The following CECR2 variants were observed in gnomAD, a reference collection of about 807,000 sequenced individuals.
CECR2 encodes chromatin remodeling regulator CECR2.
A neutral mutation model predicts 154.5 loss-of-function variants in CECR2; 30 were observed. That is an observed-to-expected ratio of 0.19 (90% CI 0.15 to 0.26). The LOEUF (loss-of-function observed/expected upper bound fraction) is 0.26, where lower values mean the gene tolerates loss of function less well. CECR2 is among the 10% of genes least tolerant of loss of function. The pLI, the probability that CECR2 is intolerant of heterozygous loss-of-function variation, is 1.00. For synonymous variants in CECR2, 725 were observed against 683.7 expected, an observed-to-expected ratio of 1.06 and a Z score of -0.94; for missense variants, 1,743 against 1,829.3, an observed-to-expected ratio of 0.95 and a Z score of 0.86.
Position 17,369,579 on chromosome 22 carries a change from G to A in CECR2, c.-205G>A, listed in dbSNP as rs1317985428. The A allele has an allele frequency of 1.4e-5, 2 of 147,350 alleles. No homozygotes were observed. The highest frequency in any genetic ancestry group is 6.8e-5 in the Admixed American group (1 of 14,796). The allele number at this position is 147,350 out of a possible 1,614,324, so 9.1% of individuals were successfully genotyped here. On this transcript the variant is annotated 5_prime_UTR_variant, in exon 1 of 19. Coordinates refer to ENST00000262608, the MANE Select transcript of CECR2 (RefSeq NM_001290047.2). ...GGCAGCCGCAGCCGCAGCCGCCTCA[G>A]TAGTTCGGGCCCCCGCGCCGCCGCC...
chr22:17,488,417 C>T (rs1299372210), intron 2 of CECR2, among the ~76,000 whole-genome samples: 2 of 152,220 alleles, frequency 1.3e-5, no homozygotes, highest in Non-Finnish European at 2.9e-5. Context: ...ATAGACATTT[C>T]TGTCTTCCCA....
At chr22:17,486,447 A>G (rs2055421717) in intron 2 of CECR2, among the ~76,000 whole-genome samples, 1 of 152,198 alleles carries the variant, frequency 6.6e-6, no homozygotes, top group Non-Finnish European at 1.5e-5. Flanking sequence ...TGTATGTGAC[A>G]CGCCACTGGG....
chr22:17,439,450 C>T (rs772074274), intron 1 of CECR2, among the ~76,000 whole-genome samples: 6 of 151,826 alleles, frequency 4.0e-5, no homozygotes, highest in South Asian at 2.1e-4. Flanking sequence ...AGATGACAGA[C>T]GGTTAATATT....
chr22:17,393,839 TG>T (rs1190426849), intron 1 of CECR2, among the ~76,000 whole-genome samples: 1 of 152,074 alleles, frequency 6.6e-6, no homozygotes, highest in Non-Finnish European at 1.5e-5. Context: ...TTTTAAAAAA[TG>T]GGCTGTTTGT....
chr22:17,431,731 C>T (rs889569617), intron 1 of CECR2, among the ~76,000 whole-genome samples: 1 of 151,428 alleles, frequency 6.6e-6, no homozygotes, highest in Non-Finnish European at 1.5e-5. Flanking sequence ...CTTATTGATG[C>T]GTGTTGTAAC....
At chr22:17,536,944 A>G (rs1295425578) in intron 9 of CECR2, among the ~76,000 whole-genome samples, 159 bp from the exon 10 acceptor site, 2 of 152,134 alleles carry the variant, frequency 1.3e-5, no homozygotes, top group Non-Finnish European at 2.9e-5. Context: ...ATCTGTAGAA[A>G]CATCCTAATT....
At chr22:17,440,438 T>C (rs1284246787) in intron 1 of CECR2, among the ~76,000 whole-genome samples, 1 of 152,178 alleles carries the variant, frequency 6.6e-6, no homozygotes, top group Non-Finnish European at 1.5e-5. Flanking sequence ...CTGTCTGTTA[T>C]GGCATAAAAA....
At chr22:17,482,846 ACT>A (rs1483881489) in intron 2 of CECR2, among the ~76,000 whole-genome samples, 1 of 145,662 alleles carries the variant, frequency 6.9e-6, no homozygotes, top group East Asian at 2.0e-4. Context: ...ACACCTTGCT[ACT>A]TTTTTTGTAT....
chr22:17,538,925 C>T (rs2056478886), intron 12 of CECR2, 68 bp from the exon 13 acceptor site: 2 of 1,381,398 alleles, frequency 1.4e-6, no homozygotes, highest in East Asian at 4.8e-5. Flanking sequence ...ATCTCTCTGT[C>T]TCTCTCTCTC....
chr22:17,414,259 A>C (rs532979820), intron 1 of CECR2, among the ~76,000 whole-genome samples: 1 of 152,340 alleles, frequency 6.6e-6, no homozygotes, highest in East Asian at 1.9e-4. Flanking sequence ...GGCGTGAGCC[A>C]CTGCGCCCGG....
In CECR2 at chr22:17,548,499, T is replaced by C; in HGVS notation, c.3212T>C (p.Leu1071Pro). The change falls in exon 17 of 19, where the codon CTT becomes CCT. Residue 1071 changes from leucine (L) to proline (P), a missense_variant. By Grantham distance (98) the Leu-to-Pro change is moderately conservative. This residue lies in a region of CECR2 where 1,250 missense variants were observed against 1,192.1 expected (regional missense o/e 1.05). Coordinates refer to ENST00000262608, the MANE Select transcript of CECR2 (RefSeq NM_001290047.2). The stretch of plus-strand genomic sequence containing the variant: ...CCTTGTGGATCGGAGGGGAAGGGCC[T>C]TGGTAGCAGTGGTTCCGAAAAGCTG... Reference protein sequence around the residue: ...ASPCGSEGKGLGSSGSEKLLC... With the variant: ...ASPCGSEGKGPGSSGSEKLLC... The C allele has an allele frequency of 6.2e-7, 1 of 1,613,792 alleles. No individual in the cohort carries two copies. The highest frequency in any genetic ancestry group is 8.5e-7 in the Non-Finnish European group (1 of 1,179,818).
intron 1 of CECR2, among the ~76,000 whole-genome samples, chr22:17,440,219 G>C (rs945310401): frequency 6.6e-6 from 1 of 152,074 alleles, no homozygotes; most frequent in Non-Finnish European, 1.5e-5. Flanking sequence ...GTGTGTGTGT[G>C]TGTTGTGGGG....
chr22:17,474,231 G>A (rs1477993855), intron 1 of CECR2, among the ~76,000 whole-genome samples: 1 of 152,094 alleles, frequency 6.6e-6, no homozygotes, highest in Admixed American at 6.6e-5. Context: ...AAATTTTTGG[G>A]TGGGTTTTCT....
chr22:17,513,168 T>C (rs768206900), intron 8 of CECR2, among the ~76,000 whole-genome samples: 1 of 152,112 alleles, frequency 6.6e-6, no homozygotes, highest in Non-Finnish European at 1.5e-5. Flanking sequence ...CTGGGCAACA[T>C]AGCAAGACCC....
chr22:17,487,374 G>T (rs1489962948), intron 2 of CECR2, among the ~76,000 whole-genome samples: 1 of 152,186 alleles, frequency 6.6e-6, no homozygotes, highest in Non-Finnish European at 1.5e-5. Context: ...GAATCAAACT[G>T]TGTTTTGAGC....
chr22:17,379,581 G>GGTGTGTGTGTATGTGTGTGTGTGTGTGT (rs1555899688), intron 1 of CECR2, among the ~76,000 whole-genome samples: 40 of 137,902 alleles, frequency 2.9e-4, no homozygotes, highest in Non-Finnish European at 5.2e-4. Flanking sequence ...CTACGTTGAA[G>GGTGTGTGTGTATGTGTGTGTGTGTGTGT]GTGTGTGTGT....
At chr22:17,418,736 C>A in intron 1 of CECR2, 1 of 478,100 alleles carries the variant, frequency 2.1e-6, no homozygotes, top group Non-Finnish European at 3.1e-6. Flanking sequence ...CCCCAATGGA[C>A]CCATCCATTC....
chr22:17,555,837 C>G lies in CECR2; in HGVS notation c.*2997C>G, dbSNP rs1229428835. ...CCAGGAGGATGGGGATAGCTGAGAT[C>G]GTGGAGAATGGGAAATACCATTGCA... On this transcript the variant is annotated 3_prime_UTR_variant, in exon 19 of 19. Transcript: ENST00000262608. The G allele has an allele frequency of 2.0e-5, 3 of 152,008 alleles. No homozygotes were observed. The highest frequency in any genetic ancestry group is 4.4e-5 in the Non-Finnish European group (3 of 67,990). 9.4% of individuals were successfully genotyped at this position (152,008 alleles called of 1,614,324 possible).
chr22:17,502,981 CTCTT>C, intron 5 of CECR2, 97 bp from the exon 6 acceptor site: 2 of 987,848 alleles, frequency 2.0e-6, no homozygotes, highest in South Asian at 2.9e-5. Context: ...CACATACACT[CTCTT>C]TGTGTTAAAT....
Sources: gnomAD v4.1 joint callset for allele counts (sites outside exome capture counted in the v4.1 genomes callset) on GRCh38, gnomAD v4.1.1 for gene constraint, gnomAD v4.1.1 regional missense constraint, MANE v1.5 for transcripts, NCBI Gene and HGNC (gene_info 2026-07-23, HGNC 2026-07-21) for gene names.